The following SLC2A5 variants were observed in gnomAD, a reference collection of about 807,000 sequenced individuals.
The protein encoded by SLC2A5 is solute carrier family 2, facilitated glucose transporter member 5.
SLC2A5 carries 56 observed loss-of-function variants against 50.3 expected under a neutral mutation model. The observed-to-expected ratio is 1.11, with a 90% CI of 0.90 to 1.39. The LOEUF is 1.39. Among genes scored for constraint, SLC2A5 ranks in the 40% most tolerant of loss-of-function variants. SLC2A5 has a pLI of 0.00. For synonymous variants in SLC2A5, 269 were observed against 281.9 expected (o/e 0.95, Z 0.46); for missense variants, 566 against 650.1 (o/e 0.87, Z 1.41).
intron 2 of SLC2A5, among the ~76,000 whole-genome samples, chr1:9,083,822 T>C (rs1004471241): frequency 1.1e-4 from 16 of 142,290 alleles, no homozygotes; most frequent in African/African-American, 3.7e-4. Flanking sequence ...TGAAACTCCA[T>C]ATCAAAACAA....
chr1:9,081,833 G>A (rs1642356528), intron 2 of SLC2A5, among the ~76,000 whole-genome samples: 2 of 152,106 alleles, frequency 1.3e-5, no homozygotes, highest in South Asian at 4.1e-4. Context: ...TATAATTCCA[G>A]CACTTTGGGG....
chr1:9,045,012 C>G (rs530412049), intron 4 of SLC2A5, among the ~76,000 whole-genome samples: 10 of 152,180 alleles, frequency 6.6e-5, no homozygotes, highest in Admixed American at 2.0e-4. Flanking sequence ...GATCCCGAGA[C>G]CTTTTAAGGG....
At chr1:9,049,036 A>G (rs752741047) in intron 3 of SLC2A5, 20 of 431,960 alleles carry the variant, frequency 4.6e-5, no homozygotes, top group Admixed American at 8.2e-5. Context: ...CCTAAAACCT[A>G]TATCAAACAT....
chr1:9,068,220 G>GAGAA (rs1340658157), intron 1 of SLC2A5, among the ~76,000 whole-genome samples: 1 of 145,282 alleles, frequency 6.9e-6, no homozygotes, highest in African/African-American at 2.6e-5. Context: ...GCGAGAGAGA[G>GAGAA]AGAAAGAAAA....
At chr1:9,061,289 A>G (rs1339403016) in intron 1 of SLC2A5, among the ~76,000 whole-genome samples, 2 of 145,660 alleles carry the variant, frequency 1.4e-5, no homozygotes, top group Non-Finnish European at 3.0e-5. Flanking sequence ...CTCAAAAAAA[A>G]AAAAAAGAAA....
chr1:9,038,530 C>G, intron 9 of SLC2A5, 24 bp from the exon 10 acceptor site: 1 of 1,596,780 alleles, frequency 6.3e-7, no homozygotes, highest in Non-Finnish European at 8.6e-7. Flanking sequence ...GCAGTTGGTT[C>G]ACCTGGAGCA....
chr1:9,092,450 G>T (rs1294284419), upstream of SLC2A5, among the ~76,000 whole-genome samples: 1 of 152,084 alleles, frequency 6.6e-6, no homozygotes, highest in African/African-American at 2.4e-5. Context: ...TAAAGGAAGA[G>T]TTAAAAGCCA....
At chr1:9,038,752 G>T in intron 9 of SLC2A5, 76 bp downstream of exon 9, 1 of 1,492,688 alleles carries the variant, frequency 6.7e-7, no homozygotes, top group South Asian at 1.3e-5. Context: ...TTTAAGGCAG[G>T]TGGAGGCGCA....
chr1:9,060,064 TAC>T (rs1641875745), intron 1 of SLC2A5, among the ~76,000 whole-genome samples: 1 of 82,604 alleles, frequency 1.2e-5, no homozygotes, highest in African/African-American at 4.8e-5. Flanking sequence ...ACACACACAA[TAC>T]ACACACTACA....
intron 4 of SLC2A5, among the ~76,000 whole-genome samples, chr1:9,047,109 A>G (rs1031234416): frequency 1.3e-5 from 2 of 152,022 alleles, no homozygotes; most frequent in Non-Finnish European, 2.9e-5. Flanking sequence ...TTTCTTTATA[A>G]ATTACCCAGT....
At chr1:9,056,672 T>A (rs57405729) in intron 3 of SLC2A5, among the ~76,000 whole-genome samples, 1 of 152,210 alleles carries the variant, frequency 6.6e-6, no homozygotes, top group South Asian at 2.1e-4. Context: ...ATGGAATTTA[T>A]ACGGGGGAGC....
At position 9,037,710 on chromosome 1, in the gene SLC2A5, G is replaced by C; in HGVS notation, c.1382C>G (p.Pro461Arg). The C allele has an allele frequency of 3.1e-6, 5 of 1,614,158 alleles. No homozygotes were observed. The highest frequency in any genetic ancestry group is 1.1e-5 in the South Asian group (1 of 91,074). ...LTTIYIFLIV[P>R]ETKAKTFIEI... ...TATGAACGTCTTGGCCTTGGTCTCCGGGACAATCAAGAAGATGTAGATGGT... is the reference window on the plus strand; with the variant it reads ...TATGAACGTCTTGGCCTTGGTCTCCCGGACAATCAAGAAGATGTAGATGGT... Residue 461 changes from proline to arginine, a missense_variant, in exon 12 of 12, where the codon CCG (proline) becomes CGG (arginine). Pro to Arg is a moderately radical substitution (Grantham distance 103, BLOSUM62 -2). Transcript: ENST00000377424.
intron 1 of SLC2A5, among the ~76,000 whole-genome samples, chr1:9,060,116 CTA>C (rs1309553987): frequency 9.8e-6 from 1 of 102,118 alleles, no homozygotes; most frequent in East Asian, 5.1e-4. Context: ...TACACACACA[CTA>C]TACACACACA....
chr1:9,060,277 T>C (rs1348340680), intron 1 of SLC2A5, among the ~76,000 whole-genome samples: 2 of 89,474 alleles, frequency 2.2e-5, no homozygotes, highest in African/African-American at 4.7e-5. Context: ...TCCCCACATG[T>C]ACACAAACAC....
intron 3 of SLC2A5, 43 bp downstream of exon 3, chr1:9,057,405 G>A (rs751080587): frequency 1.4e-6 from 2 of 1,480,198 alleles, no homozygotes. Context: ...GCTCTGATGG[G>A]GGTCTATGAG....
chr1:9,069,352 G>T, intron 1 of SLC2A5, 152 bp downstream of exon 1: 1 of 763,756 alleles, frequency 1.3e-6, no homozygotes, highest in Non-Finnish European at 2.2e-6. Flanking sequence ...CCACCTGCTG[G>T]ACAAGACTTT....
intron 3 of SLC2A5, among the ~76,000 whole-genome samples, chr1:9,056,894 A>G (rs966760489): frequency 5.3e-5 from 8 of 152,166 alleles, no homozygotes; most frequent in African/African-American, 1.2e-4. Flanking sequence ...GGTCTGCCCG[A>G]GGGCCTGTAG....
chr1:9,074,104 G>A (rs71641072), upstream of SLC2A5, among the ~76,000 whole-genome samples: 465 of 150,604 alleles, frequency 3.1e-3, 4 homozygotes, highest in Non-Finnish European at 5.1e-3. Context: ...AAAAAAATAC[G>A]TCAGTAGAAT....
chr1:9,040,078 G>A lies in SLC2A5; in HGVS notation c.683C>T (p.Ala228Val), dbSNP rs781436741. Residue 228 changes from alanine to valine, a missense_variant, in exon 6 of 12, where the codon GCG (alanine) becomes GTG (valine). Physicochemically the swap from Ala to Val is moderately conservative, Grantham distance 64. Transcript: ENST00000377424. This position sits in a 1 kb window ranked among gnomAD's most constrained non-coding sequence, Gnocchi z 4.3. ...RYLLIQKKDE[A>V]AAKKALQTLR... ...GCCCTCGTTACCTTTCTTGGCGGCC[G>A]CTTCGTCTTTCTTCTGAATCAGCAG... 1.9e-6 allele frequency: 3 copies of A among 1,590,308 alleles called. No individual in the cohort carries two copies. The highest frequency in any genetic ancestry group is 2.3e-5 in the East Asian group (1 of 44,214).
Sources: allele counts gnomAD v4.1 joint callset (sites outside exome capture counted in the v4.1 genomes callset), GRCh38; gene constraint gnomAD v4.1.1; non-coding constraint Gnocchi (gnomAD v3.1); transcripts MANE v1.5; gene names NCBI Gene and HGNC (gene_info 2026-07-23, HGNC 2026-07-21).